PREX2: variants seen among roughly 807,000 people sequenced by gnomAD.
The protein encoded by PREX2 is phosphatidylinositol 3,4,5-trisphosphate-dependent Rac exchanger 2 protein.
In PREX2, 107 loss-of-function variants were observed where a neutral mutation model predicts 203.2. The observed-to-expected ratio is 0.53, with a 90% CI of 0.45 to 0.62. The LOEUF (loss-of-function observed/expected upper bound fraction) is 0.62, where lower values mean the gene tolerates loss of function less well. PREX2 is among the 20% of genes least tolerant of loss of function. PREX2 has a pLI of 0.00. For synonymous variants in PREX2, 672 were observed against 663.6 expected, an observed-to-expected ratio of 1.01 and a Z score of -0.19; for missense variants, 1,777 against 1,955.9, an observed-to-expected ratio of 0.91 and a Z score of 1.72.
At chr8:68,212,236 C>A (rs1404191895) in intron 37 of PREX2, among the ~76,000 whole-genome samples, 1 of 152,202 alleles carries the variant, frequency 6.6e-6, no homozygotes, top group East Asian at 1.9e-4. Context: ...CAAAACAGTA[C>A]CTCCTTCTGC....
At chr8:68,205,079 G>A (rs1812591605) in intron 37 of PREX2, among the ~76,000 whole-genome samples, 1 of 152,008 alleles carries the variant, frequency 6.6e-6, no homozygotes, top group African/African-American at 2.4e-5. Context: ...ATTTCACCAG[G>A]GCTGTCCTTT....
chr8:68,145,830 C>T (rs1476043727), intron 33 of PREX2, among the ~76,000 whole-genome samples: 1 of 152,052 alleles, frequency 6.6e-6, no homozygotes, highest in Non-Finnish European at 1.5e-5. Context: ...TTCTTGCACA[C>T]TACTTAAGAA....
chr8:68,179,081 T>C (rs891497820), intron 35 of PREX2, among the ~76,000 whole-genome samples: 1 of 152,186 alleles, frequency 6.6e-6, no homozygotes, highest in Non-Finnish European at 1.5e-5. Flanking sequence ...GTGGCCCTAC[T>C]GTGCATGATG....
intron 1 of PREX2, 134 bp from the exon 2 acceptor site, chr8:68,017,712 A>G (rs1423531746): frequency 1.5e-6 from 1 of 681,724 alleles, no homozygotes; most frequent in Non-Finnish European, 2.5e-6. Flanking sequence ...TCTGTGTTAC[A>G]ACAAAACTAT....
chr8:68,077,281 C>T, intron 14 of PREX2, 116 bp from the exon 15 acceptor site: 1 of 752,762 alleles, frequency 1.3e-6, no homozygotes, highest in African/African-American at 1.7e-5. Flanking sequence ...TAAAGCAATG[C>T]ATGCTTTATA....
intron 37 of PREX2, among the ~76,000 whole-genome samples, chr8:68,194,231 G>A (rs989153306): frequency 6.6e-6 from 1 of 152,094 alleles, no homozygotes; most frequent in African/African-American, 2.4e-5. Flanking sequence ...TAGTTGCTGG[G>A]GATACAGCAT....
intron 1 of PREX2, among the ~76,000 whole-genome samples, chr8:67,987,662 A>G (rs1806473232): frequency 6.6e-6 from 1 of 152,072 alleles, no homozygotes; most frequent in African/African-American, 2.4e-5. Flanking sequence ...ATCTGGCCTC[A>G]AGTGGTTCCC....
At chr8:68,065,281 T>A (rs949811833) in intron 11 of PREX2, among the ~76,000 whole-genome samples, 1 of 152,230 alleles carries the variant, frequency 6.6e-6, no homozygotes, top group Non-Finnish European at 1.5e-5. Context: ...ATCAAGACAA[T>A]CTATTTCAAT....
rs530122983 is a variant in PREX2 at position 67,963,145 on chromosome 8, G to T, written c.141+10610G>T. Among the ~76,000 whole-genome samples the T allele has an allele frequency of 3.2e-4, 48 of 152,268 alleles. 1 individual carries two copies. In the South Asian group the frequency reaches 9.5e-3, roughly 30 times the overall value. ...CTATGTAAAGGTTCTGGGTAGTGGG[G>T]TGTGAGCAGAAGTGGCCTGGGTAAC... is the stretch of plus-strand genomic sequence containing the variant. On this transcript the variant is annotated intron_variant, in intron 1 of 39. Transcript: ENST00000288368.
At chr8:68,204,191 C>CAAAT (rs59928010) in intron 37 of PREX2, among the ~76,000 whole-genome samples, 6,816 of 152,126 alleles carry the variant, frequency 0.045, 382 homozygotes, top group East Asian at 0.26. Context: ...CCTGGCATGG[C>CAAAT]AAATACTTCT....
intron 25 of PREX2, among the ~76,000 whole-genome samples, chr8:68,110,096 G>C (rs1397469167): frequency 6.6e-6 from 1 of 151,696 alleles, no homozygotes; most frequent in Non-Finnish European, 1.5e-5. Flanking sequence ...TTTTTTTTCT[G>C]TTCTGATTGA....
At chr8:68,138,832 T>C (rs1457333048) in intron 33 of PREX2, among the ~76,000 whole-genome samples, 2 of 152,200 alleles carry the variant, frequency 1.3e-5, no homozygotes, top group African/African-American at 2.4e-5. Flanking sequence ...TAGTTTGTTA[T>C]TATTTTTATA....
intron 1 of PREX2, among the ~76,000 whole-genome samples, chr8:68,002,334 A>G (rs775738182): frequency 6.6e-6 from 1 of 151,830 alleles, no homozygotes; most frequent in Non-Finnish European, 1.5e-5. Flanking sequence ...TTTAGTAGAG[A>G]TAGTGTTTTG....
chr8:68,186,279 T>C (rs925526709), intron 35 of PREX2, among the ~76,000 whole-genome samples: 1 of 152,202 alleles, frequency 6.6e-6, no homozygotes, highest in Non-Finnish European at 1.5e-5. Context: ...GTTATTTCTC[T>C]GGACTTCATC....
intron 35 of PREX2, among the ~76,000 whole-genome samples, chr8:68,186,912 C>T (rs1812201634): frequency 6.6e-6 from 1 of 152,098 alleles, no homozygotes; most frequent in Admixed American, 6.5e-5. Flanking sequence ...TTATTTTTTT[C>T]CTTTAAACAT....
At chr8:68,164,580 TTTTTC>T (rs1473538487) in intron 35 of PREX2, among the ~76,000 whole-genome samples, 4 of 135,184 alleles carry the variant, frequency 3.0e-5, no homozygotes, top group Middle Eastern at 7.8e-3. Context: ...CTTTTTTTCT[TTTTTC>T]TTTTTTTTTT....
intron 37 of PREX2, among the ~76,000 whole-genome samples, chr8:68,208,872 T>C (rs1281754088): frequency 6.6e-6 from 1 of 151,888 alleles, no homozygotes; most frequent in African/African-American, 2.4e-5. Context: ...GAGGATCACT[T>C]GAGCCCAGGA....
chr8:68,037,547 G>A (rs1451014683), intron 6 of PREX2, among the ~76,000 whole-genome samples: 5 of 152,104 alleles, frequency 3.3e-5, no homozygotes, highest in Non-Finnish European at 7.3e-5. Flanking sequence ...GTTAAGAATT[G>A]CCTTTGTCAC....
intron 20 of PREX2, 67 bp from the exon 21 acceptor site, chr8:68,093,538 C>A: frequency 1.5e-6 from 1 of 674,602 alleles, no homozygotes; most frequent in Non-Finnish European, 2.6e-6. Context: ...AAGGCCAAGT[C>A]TCCAAATGGG....
Sources: gnomAD v4.1 joint callset for allele counts (sites outside exome capture counted in the v4.1 genomes callset) on GRCh38, gnomAD v4.1.1 for gene constraint, MANE v1.5 for transcripts, NCBI Gene and HGNC (gene_info 2026-07-23, HGNC 2026-07-21) for gene names.